COL25A1: variants seen among roughly 807,000 people sequenced by gnomAD.
The protein encoded by COL25A1 is collagen type XXV alpha 1 chain, also known as collagen alpha-1(XXV) chain.
Under a neutral mutation model 128.4 loss-of-function variants are expected in COL25A1, and 103 were observed. That is an observed-to-expected ratio of 0.80 (90% CI 0.68 to 0.94). The LOEUF (loss-of-function observed/expected upper bound fraction) is 0.94, where lower values mean the gene tolerates loss of function less well. Ranked by LOEUF, COL25A1 falls within the 40% of genes least tolerant of loss-of-function variation. The probability of loss-of-function intolerance (pLI) is 0.00; values close to 1 mark genes in which losing one functional copy is unlikely to be tolerated. For missense variants in COL25A1, 745 were observed against 840.0 expected (o/e 0.89, Z 1.40); for synonymous variants, 279 against 277.2 (o/e 1.01, Z -0.06).
At chr4:109,086,742 T>G (rs1329412876) in intron 3 of COL25A1, among the ~76,000 whole-genome samples, 2 of 152,134 alleles carry the variant, frequency 1.3e-5, no homozygotes, top group East Asian at 3.9e-4. Context: ...GCTATTCAAT[T>G]AAAACTCTGG....
chr4:109,027,748 A>G (rs961509073), intron 5 of COL25A1, among the ~76,000 whole-genome samples: 1 of 151,912 alleles, frequency 6.6e-6, no homozygotes, highest in South Asian at 2.1e-4. Context: ...GGGGTGTGAG[A>G]AAAAAGAGCA....
At chr4:108,891,104 A>G (rs1304537235) in intron 16 of COL25A1, among the ~76,000 whole-genome samples, 1 of 152,230 alleles carries the variant, frequency 6.6e-6, no homozygotes, top group Non-Finnish European at 1.5e-5. Context: ...CCGGGCCCAT[A>G]GTATATGCTC....
chr4:109,043,967 A>G (rs1286591987), intron 5 of COL25A1, among the ~76,000 whole-genome samples: 1 of 152,136 alleles, frequency 6.6e-6, no homozygotes, highest in Non-Finnish European at 1.5e-5. Flanking sequence ...ATATTCTAAT[A>G]TGTGTTACCT....
At chr4:108,976,030 A>G (rs1304053979) in intron 6 of COL25A1, among the ~76,000 whole-genome samples, 2 of 152,024 alleles carry the variant, frequency 1.3e-5, no homozygotes, top group Non-Finnish European at 2.9e-5. Flanking sequence ...GGTGTTTTTG[A>G]TGAACACCTC....
At chr4:108,853,652 G>A (rs1289845372) in intron 24 of COL25A1, among the ~76,000 whole-genome samples, 2 of 151,994 alleles carry the variant, frequency 1.3e-5, no homozygotes, top group African/African-American at 4.8e-5. Context: ...TTCTCCAAAT[G>A]CTATCCCTCC....
intron 3 of COL25A1, among the ~76,000 whole-genome samples, chr4:109,191,528 C>G (rs528561992): frequency 1.3e-5 from 2 of 152,282 alleles, no homozygotes; most frequent in South Asian, 4.1e-4. Context: ...CCTCGGCCAA[C>G]CACCATCAGC....
At chr4:109,077,056 A>AT (rs1763439929) in intron 3 of COL25A1, among the ~76,000 whole-genome samples, 1 of 152,160 alleles carries the variant, frequency 6.6e-6, no homozygotes, top group Non-Finnish European at 1.5e-5. Context: ...CCTCTGCAGT[A>AT]AAGGGTCCTG....
At chr4:109,078,628 C>T (rs897673723) in intron 3 of COL25A1, among the ~76,000 whole-genome samples, 2 of 151,816 alleles carry the variant, frequency 1.3e-5, no homozygotes, top group Non-Finnish European at 2.9e-5. Flanking sequence ...TACACAAAAG[C>T]CCATCCAAAT....
In COL25A1 at chr4:109,175,933, C is replaced by T. The variant is rs181920271; in HGVS notation, c.367+124650G>A. Among the ~76,000 whole-genome samples the T allele has an allele frequency of 7.1e-4, 108 of 152,268 alleles. 2 individuals carry two copies. Among genetic ancestry groups the T allele is most frequent in the Admixed American group, 7.0e-3 (107 of 15,298 alleles). ...AATGTCTTTTCCAGTAAGAGTTAAA[C>T]CTTAACTTATAGTGAAGAATGTTGT... On this transcript the variant is annotated intron_variant, in intron 3 of 37. Transcript: ENST00000399132.
chr4:108,978,416 G>A (rs746330), intron 6 of COL25A1, among the ~76,000 whole-genome samples: 19,903 of 152,140 alleles, frequency 0.13, 1,998 homozygotes, highest in East Asian at 0.4. Flanking sequence ...GGCTACCTTA[G>A]TAAACACAGA....
intron 3 of COL25A1, among the ~76,000 whole-genome samples, chr4:109,299,239 C>T (rs1725282029): frequency 1.3e-5 from 2 of 152,156 alleles, no homozygotes; most frequent in South Asian, 4.1e-4. Flanking sequence ...TTAAATAATC[C>T]CTACAGGCTG....
chr4:109,120,864 A>G (rs1399997984), intron 3 of COL25A1, among the ~76,000 whole-genome samples: 1 of 151,940 alleles, frequency 6.6e-6, no homozygotes, highest in African/African-American at 2.4e-5. Flanking sequence ...AGCACCCAAA[A>G]CAATAAAATA....
Position 108,811,115 on chromosome 4 carries a change from C to T in COL25A1, c.*2812G>A, listed in dbSNP as rs1012080284. Reference sequence around the variant, plus strand: ...TTAAGGAAAGTATATTATCTATCAACACATATCAACAAACACAATTCTTTC... The same window carrying T: ...TTAAGGAAAGTATATTATCTATCAATACATATCAACAAACACAATTCTTTC... On this transcript the variant is annotated 3_prime_UTR_variant, in exon 38 of 38. Transcript: ENST00000399132. 6.6e-6 allele frequency: 1 copy of T among 152,028 alleles called. No homozygotes were observed. Among genetic ancestry groups the T allele is most frequent in the Admixed American group, 6.5e-5 (1 of 15,272 alleles). 9.4% of individuals were successfully genotyped at this position (152,028 alleles called of 1,614,324 possible). A position where few individuals can be genotyped will look rare whatever the true frequency, so the allele number is the denominator to read the frequency against.
At chr4:109,008,441 C>T (rs927778366) in intron 6 of COL25A1, among the ~76,000 whole-genome samples, 3 of 152,168 alleles carry the variant, frequency 2.0e-5, no homozygotes, top group African/African-American at 7.2e-5. Context: ...TCTCACGATG[C>T]TTTCTAGGAT....
intron 11 of COL25A1, among the ~76,000 whole-genome samples, chr4:108,923,773 T>C (rs1745731037): frequency 6.6e-6 from 1 of 152,212 alleles, no homozygotes; most frequent in Non-Finnish European, 1.5e-5. Flanking sequence ...TCAATTGTTC[T>C]AGTGATTCAA....
chr4:108,862,352 TA>T (rs1737335870), intron 22 of COL25A1, 148 bp downstream of exon 22: 7 of 671,610 alleles, frequency 1.0e-5, no homozygotes, highest in Admixed American at 4.6e-5. Flanking sequence ...ATCATAGGGA[TA>T]CTGCAATCCC....
intron 3 of COL25A1, among the ~76,000 whole-genome samples, chr4:109,107,584 G>GCC (rs1238942099): frequency 1.3e-5 from 2 of 152,102 alleles, no homozygotes; most frequent in African/African-American, 4.8e-5. Flanking sequence ...GAGAAGAAAA[G>GCC]CCCAAAGGAA....
At chr4:109,301,096 C>T (rs562030693) in intron 2 of COL25A1, among the ~76,000 whole-genome samples, 8 of 151,906 alleles carry the variant, frequency 5.3e-5, no homozygotes, top group Admixed American at 1.3e-4. Flanking sequence ...AACCCCCTTA[C>T]TCTAGTCTAA....
At chr4:109,050,204 T>A in intron 3 of COL25A1, 25 bp from the exon 4 acceptor site, 3 of 1,590,336 alleles carry the variant, frequency 1.9e-6, no homozygotes, top group Non-Finnish European at 2.6e-6. Flanking sequence ...ATAATTTTTT[T>A]AGTGTAGTTT....
Sources: allele counts gnomAD v4.1 joint callset (sites outside exome capture counted in the v4.1 genomes callset), GRCh38; gene constraint gnomAD v4.1.1; transcripts MANE v1.5; gene names NCBI Gene and HGNC (gene_info 2026-07-23, HGNC 2026-07-21).